Variants in PTPN2 observed in about 807,000 individuals in gnomAD.
PTPN2 encodes the protein protein tyrosine phosphatase non-receptor type 2, also known as tyrosine-protein phosphatase non-receptor type 2.
In PTPN2, 19 loss-of-function variants were observed where a neutral mutation model predicts 57.3. The ratio of observed to expected loss-of-function variants is 0.33; its 90% CI spans 0.23 to 0.49. PTPN2 has a LOEUF of 0.49. Among genes scored for constraint, PTPN2 ranks in the 20% least tolerant of loss-of-function variants. The pLI is 0.99. For missense variants in PTPN2, 358 were observed against 501.1 expected, an observed-to-expected ratio of 0.71 and a Z score of 2.73; for synonymous variants, 153 against 164.9, an observed-to-expected ratio of 0.93 and a Z score of 0.55.
chr18:12,883,304 C>G (rs1389553840), intron 1 of PTPN2, among the ~76,000 whole-genome samples: 1 of 152,246 alleles, frequency 6.6e-6, no homozygotes, highest in African/African-American at 2.4e-5. Flanking sequence ...ACTGGACGAA[C>G]ACAAGCAAAG....
chr18:12,789,503 G>C (rs191498992), downstream of PTPN2, among the ~76,000 whole-genome samples: 77 of 152,356 alleles, frequency 5.1e-4, no homozygotes, highest in African/African-American at 1.8e-3. Context: ...ATTAGCTGTT[G>C]GTGTATCAAT....
intron 3 of PTPN2, among the ~76,000 whole-genome samples, chr18:12,832,617 C>CA (rs1200758232): frequency 2.0e-5 from 3 of 152,134 alleles, no homozygotes; most frequent in Non-Finnish European, 2.9e-5. Context: ...ACTTCTAAAA[C>CA]AAAACACAGT....
rs1435480690 is a variant in PTPN2 at position 12,825,948 on chromosome 18, A to C, written c.361-4T>G. 2 of 1,583,800 alleles carry C rather than the reference A, an allele frequency of 1.3e-6. No homozygotes were observed. Among genetic ancestry groups the C allele is most frequent in the Admixed American group, 1.9e-5 (1 of 54,026 alleles). On this transcript the variant is annotated splice_polypyrimidine_tract_variant and splice_region_variant and intron_variant, in intron 4 of 8. Transcript: ENST00000309660. ...GCCAGTACTGTGCACATTTAACCTA[A>C]ATTTAGAAATATGTATATGATTTTT...
At chr18:12,788,652 TCTATC>T (rs1944974473), downstream of PTPN2, among the ~76,000 whole-genome samples, 1 of 152,024 alleles carries the variant, frequency 6.6e-6, no homozygotes, top group Admixed American at 6.6e-5. Context: ...AGTAAACACT[TCTATC>T]CATCACTCCT....
chr18:12,844,396 C>G (rs1033054390), intron 2 of PTPN2, among the ~76,000 whole-genome samples: 1 of 152,202 alleles, frequency 6.6e-6, no homozygotes, highest in African/African-American at 2.4e-5. Context: ...GTTTACATTC[C>G]CACCACCCAT....
intron 1 of PTPN2, among the ~76,000 whole-genome samples, chr18:12,872,003 G>A (rs528480472): frequency 5.3e-5 from 8 of 151,456 alleles, no homozygotes; most frequent in East Asian, 1.9e-4. Context: ...AGCCGAGATC[G>A]TGCCGTAGCA....
intron 3 of PTPN2, among the ~76,000 whole-genome samples, chr18:12,833,396 AAGG>A (rs1285800725): frequency 6.6e-6 from 1 of 152,182 alleles, no homozygotes; most frequent in Non-Finnish European, 1.5e-5. Flanking sequence ...GCAAAGGTAG[AAGG>A]AGAAGTACTT....
chr18:12,843,977 G>A (rs1049512011), intron 2 of PTPN2: 10 of 152,072 alleles, frequency 6.6e-5, no homozygotes, highest in Admixed American at 4.6e-4. Flanking sequence ...CCTAACCACC[G>A]ATCTGCTCTC....
chr18:12,837,068 A>G (rs199932623), intron 2 of PTPN2, among the ~76,000 whole-genome samples, 177 bp from the exon 3 acceptor site: 2 of 152,370 alleles, frequency 1.3e-5, no homozygotes, highest in East Asian at 3.9e-4. Context: ...GGAGTATAAA[A>G]TGCAATCTTG....
chr18:12,807,586 A>AAATAT, intron 7 of PTPN2, among the ~76,000 whole-genome samples: 23 of 35,196 alleles, frequency 6.5e-4, no homozygotes, highest in Non-Finnish European at 5.5e-4. Context: ...AAAAAAAAAA[A>AAATAT]ATATATATAT....
At chr18:12,839,691 T>C (rs1025718898) in intron 2 of PTPN2, 5 of 152,218 alleles carry the variant, frequency 3.3e-5, no homozygotes, top group Non-Finnish European at 7.3e-5. Flanking sequence ...TACACTTTTT[T>C]TTCTACAGGC....
chr18:12,875,736 A>T (rs2044465612), intron 1 of PTPN2, among the ~76,000 whole-genome samples: 1 of 152,226 alleles, frequency 6.6e-6, no homozygotes, highest in South Asian at 2.1e-4. Flanking sequence ...TTATCTGTCC[A>T]TCTCTCTGGT....
Position 12,823,122 on chromosome 18 carries a change from A to G in PTPN2, c.495+2688T>C, listed in dbSNP as rs2042328907. Among the ~76,000 whole-genome samples the G allele has an allele frequency of 2.0e-5, 3 of 152,230 alleles. No homozygotes were observed. The South Asian group carries it at 6.2e-4, about 32-fold the overall frequency. On this transcript the variant is annotated intron_variant, in intron 5 of 8. Transcript: ENST00000309660. Reference sequence around the variant, plus strand: ...AAATGCTACTTTATCCTTCTAAAGAATAAAGAATCCCTAGTTCTAATTAAA... The same window carrying G: ...AAATGCTACTTTATCCTTCTAAAGAGTAAAGAATCCCTAGTTCTAATTAAA...
rs141722888 is a variant in PTPN2, at chr18:12,815,069, G to A, written c.706-714C>T. ...ACTATACTCCAGCCTGGGCGACAGA[G>A]CGAGACTCCATCTCAAAAATAAATA... On this transcript the variant is annotated intron_variant, in intron 6 of 8. Transcript: ENST00000309660. Among the ~76,000 whole-genome samples the A allele has an allele frequency of 8.9e-3, 1,331 of 149,714 alleles. 18 individuals carry two copies. The highest frequency in any genetic ancestry group is 0.03 in the African/African-American group (1,225 of 40,524).
intron 7 of PTPN2, among the ~76,000 whole-genome samples, chr18:12,810,421 C>T (rs2041852247): frequency 6.6e-6 from 1 of 151,948 alleles, no homozygotes; most frequent in African/African-American, 2.4e-5. Context: ...TTTTACTTAG[C>T]TGCATAATCA....
intron 5 of PTPN2, among the ~76,000 whole-genome samples, chr18:12,823,846 A>G (rs2042354810): frequency 6.6e-6 from 1 of 152,240 alleles, no homozygotes; most frequent in Admixed American, 6.5e-5. Context: ...ACTACTGGTC[A>G]GATGATATAT....
intron 1 of PTPN2, among the ~76,000 whole-genome samples, chr18:12,859,906 A>G (rs150061548): frequency 0.066 from 10,119 of 152,168 alleles, 437 homozygotes; most frequent in East Asian, 0.14. Flanking sequence ...TAATCCCAAC[A>G]CTTTGGGAGG....
intron 1 of PTPN2, among the ~76,000 whole-genome samples, chr18:12,871,625 G>A (rs1159577610): frequency 2.0e-5 from 3 of 151,930 alleles, no homozygotes; most frequent in Non-Finnish European, 4.4e-5. Flanking sequence ...CTAGGTTTCT[G>A]TGACATGGCA....
chr18:12,870,498 G>GAA (rs1277807292), intron 1 of PTPN2, among the ~76,000 whole-genome samples: 1 of 88,630 alleles, frequency 1.1e-5, no homozygotes, highest in East Asian at 5.7e-4. Context: ...GAGAGAGAGA[G>GAA]AAAAGCGTGT....
Sources: allele counts gnomAD v4.1 joint callset (sites outside exome capture counted in the v4.1 genomes callset), GRCh38; gene constraint gnomAD v4.1.1; transcripts MANE v1.5; gene names NCBI Gene and HGNC (gene_info 2026-07-23, HGNC 2026-07-21).